SLC24A4: variants seen among roughly 807,000 people sequenced by gnomAD.
The protein encoded by SLC24A4 is solute carrier family 24 member 4.
Under a neutral mutation model 79.0 loss-of-function variants are expected in SLC24A4, and 53 were observed. That is an observed-to-expected ratio of 0.67 (90% CI 0.54 to 0.84). The LOEUF (loss-of-function observed/expected upper bound fraction) is 0.84. SLC24A4 is among the 40% of genes least tolerant of loss of function. The pLI is 0.00. For missense variants in SLC24A4, 731 were observed against 822.0 expected, an observed-to-expected ratio of 0.89 and a Z score of 1.35; for synonymous variants, 323 against 323.8, an observed-to-expected ratio of 1.00 and a Z score of 0.03.
chr14:92,440,642 C>T (rs1892440247), intron 4 of SLC24A4, among the ~76,000 whole-genome samples: 1 of 151,928 alleles, frequency 6.6e-6, no homozygotes, highest in East Asian at 1.9e-4. Context: ...CGTAGGGTTA[C>T]CTGTATCCCT....
intron 2 of SLC24A4, among the ~76,000 whole-genome samples, chr14:92,409,034 A>G (rs561505048): frequency 1.3e-5 from 2 of 152,162 alleles, no homozygotes; most frequent in Non-Finnish European, 2.9e-5. Context: ...AGGGAGCCAT[A>G]TATGTTGAGC....
intron 2 of SLC24A4, among the ~76,000 whole-genome samples, chr14:92,426,369 G>T (rs8019360): frequency 6.6e-6 from 1 of 151,822 alleles, no homozygotes; most frequent in Non-Finnish European, 1.5e-5. Context: ...AGTACCAGGC[G>T]CTTTTGAAAA....
intron 2 of SLC24A4, among the ~76,000 whole-genome samples, chr14:92,414,642 A>G (rs1446405827): frequency 6.6e-6 from 1 of 152,164 alleles, no homozygotes; most frequent in Non-Finnish European, 1.5e-5. Flanking sequence ...TGGGAGGCTG[A>G]GGTGGGAGGA....
At chr14:92,451,208 G>A (rs531926404) in intron 10 of SLC24A4, 1 of 152,300 alleles carries the variant, frequency 6.6e-6, no homozygotes, top group African/African-American at 2.4e-5. Flanking sequence ...GTACAGGCCT[G>A]GACGCCTGGA....
intron 2 of SLC24A4, among the ~76,000 whole-genome samples, chr14:92,380,370 G>A (rs1888769022): frequency 6.6e-6 from 1 of 152,162 alleles, no homozygotes; most frequent in African/African-American, 2.4e-5. Flanking sequence ...GGAAGGAGGG[G>A]CTGGCACGTG....
rs537218849 is a variant in SLC24A4 at position 92,495,259 on chromosome 14, G to C, written c.*1631G>C. On this transcript the variant is annotated 3_prime_UTR_variant, in exon 17 of 17. Coordinates refer to ENST00000532405, the MANE Select transcript of SLC24A4 (RefSeq NM_153646.4). Reference sequence around the variant, plus strand: ...TGAGTTTCAAAAGGAGGAAGTGTTCGTGCTTGTGTCCCTGAAGTTCCCTGT... The same window carrying C: ...TGAGTTTCAAAAGGAGGAAGTGTTCCTGCTTGTGTCCCTGAAGTTCCCTGT... The C allele has an allele frequency of 6.6e-6, 1 of 152,378 alleles. No homozygotes were observed. The highest frequency in any genetic ancestry group is 2.1e-4 in the South Asian group (1 of 4,820). 9.4% of individuals were successfully genotyped at this position (152,378 alleles called of 1,614,324 possible).
chr14:92,493,674 C>T lies in SLC24A4; in HGVS notation c.*46C>T. The T allele has an allele frequency of 1.2e-6, 2 of 1,600,120 alleles. No homozygotes were observed. Among genetic ancestry groups the T allele is most frequent in the East Asian group, 4.5e-5 (2 of 44,712 alleles). On this transcript the variant is annotated 3_prime_UTR_variant, in exon 17 of 17. Transcript: ENST00000532405. ...GAGCTGATCTGGACACCCTGTGACA[C>T]TGGCGTTCTCCTCTCCCCTCCTTCC... is the stretch of plus-strand genomic sequence containing the variant.
At chr14:92,325,744 C>T in intron 1 of SLC24A4, 124 bp from the exon 2 acceptor site, 1 of 619,766 alleles carries the variant, frequency 1.6e-6, no homozygotes. Flanking sequence ...CTATCAGTCC[C>T]TAAAGATGGC....
At chr14:92,344,796 G>C (rs1426801244) in intron 2 of SLC24A4, among the ~76,000 whole-genome samples, 1 of 152,166 alleles carries the variant, frequency 6.6e-6, no homozygotes, top group African/African-American at 2.4e-5. Context: ...TCTTTCCAGG[G>C]AGGGAGCTTT....
rs535188657 is a variant in SLC24A4 at position 92,325,851 on chromosome 14, C to T, written c.131-17C>T. 1.9e-6 allele frequency: 3 copies of T among 1,543,984 alleles called. No individual in the cohort carries two copies. The highest frequency in any genetic ancestry group is 1.7e-5 in the Admixed American group (1 of 58,226). ...CACACTGACCTAATGGTATCTGTGA[C>T]TTATTTTCCAATCCAGGGCACAAAA... On this transcript the variant is annotated splice_polypyrimidine_tract_variant and intron_variant, in intron 1 of 16. Coordinates refer to ENST00000532405, the MANE Select transcript of SLC24A4 (RefSeq NM_153646.4).
intron 2 of SLC24A4, among the ~76,000 whole-genome samples, chr14:92,410,768 A>T (rs80143339): frequency 0.019 from 2,849 of 152,272 alleles, 89 homozygotes; most frequent in African/African-American, 0.064. Flanking sequence ...TAGAGCAAGA[A>T]TTTGAACCCA....
chr14:92,422,925 C>T (rs1395297115), intron 2 of SLC24A4, among the ~76,000 whole-genome samples: 2 of 152,012 alleles, frequency 1.3e-5, no homozygotes, highest in African/African-American at 2.4e-5. Context: ...GTGATCCTCC[C>T]ACCTCAGTGT....
At chr14:92,480,007 A>G (rs1894970435) in intron 12 of SLC24A4, among the ~76,000 whole-genome samples, 1 of 152,048 alleles carries the variant, frequency 6.6e-6, no homozygotes, top group South Asian at 2.1e-4. Flanking sequence ...TGTAATGTTC[A>G]TAGTGATGTC....
chr14:92,359,601 G>GA (rs200955823), intron 2 of SLC24A4, among the ~76,000 whole-genome samples: 1,471 of 143,146 alleles, frequency 0.01, 21 homozygotes, highest in African/African-American at 0.034. Flanking sequence ...CATTTCAAAA[G>GA]AAAAAAAAAA....
In SLC24A4 at chr14:92,500,757, C is replaced by G. The variant is rs1303055683; in HGVS notation, c.*7129C>G. The G allele has an allele frequency of 6.6e-6, 1 of 152,352 alleles. No individual in the cohort carries two copies. Among genetic ancestry groups the G allele is most frequent in the Non-Finnish European group, 1.5e-5 (1 of 68,130 alleles). The allele number at this position is 152,352 out of a possible 1,614,324, so 9.4% of individuals were successfully genotyped here. A position where few individuals can be genotyped will look rare whatever the true frequency, so the allele number is the denominator to read the frequency against. On this transcript the variant is annotated 3_prime_UTR_variant, in exon 17 of 17. Transcript: ENST00000532405. Reference sequence around the variant, plus strand: ...CTGAGTCTCCATTTCAGAGCACACACTCCCTGGCAGGGCGCCTCTGCCTGT... The same window carrying G: ...CTGAGTCTCCATTTCAGAGCACACAGTCCCTGGCAGGGCGCCTCTGCCTGT...
intron 2 of SLC24A4, among the ~76,000 whole-genome samples, chr14:92,336,079 G>A (rs887083239): frequency 6.6e-6 from 1 of 152,166 alleles, no homozygotes. Flanking sequence ...CCCCCAACTT[G>A]TAGATTCTCC....
At chr14:92,369,352 G>A (rs1888020701) in intron 2 of SLC24A4, among the ~76,000 whole-genome samples, 1 of 152,188 alleles carries the variant, frequency 6.6e-6, no homozygotes, top group Admixed American at 6.5e-5. Flanking sequence ...ATGCCAAGGT[G>A]TTCAGTATGG....
chr14:92,413,046 G>A (rs367896818), intron 2 of SLC24A4, among the ~76,000 whole-genome samples: 4 of 152,290 alleles, frequency 2.6e-5, no homozygotes, highest in South Asian at 2.1e-4. Context: ...ATGCCACAGC[G>A]GCAGCGTTGA....
intron 2 of SLC24A4, among the ~76,000 whole-genome samples, chr14:92,365,299 G>T (rs951206469): frequency 2.6e-5 from 4 of 152,256 alleles, no homozygotes; most frequent in African/African-American, 9.6e-5. Flanking sequence ...GGTGAGACTG[G>T]GTCTGCAGAG....
Sources: gnomAD v4.1 joint callset for allele counts (sites outside exome capture counted in the v4.1 genomes callset) on GRCh38, gnomAD v4.1.1 for gene constraint, MANE v1.5 for transcripts, NCBI Gene and HGNC (gene_info 2026-07-23, HGNC 2026-07-21) for gene names.